Variants in ABTB2 observed in about 807,000 individuals in gnomAD.
The protein encoded by ABTB2 is ankyrin repeat and BTB domain containing 2, also known as ankyrin repeat and BTB/POZ domain-containing protein 2.
ABTB2 carries 56 observed loss-of-function variants against 104.1 expected under a neutral mutation model. The observed-to-expected ratio is 0.54, with a 90% confidence interval of 0.43 to 0.67. The LOEUF (loss-of-function observed/expected upper bound fraction) is 0.67. ABTB2 is among the 30% of genes least tolerant of loss of function. The pLI, the probability that ABTB2 is intolerant of heterozygous loss-of-function variation, is 0.00. For synonymous variants in ABTB2, 606 were observed against 608.2 expected (o/e 1.00, Z 0.05); for missense variants, 1,279 against 1,407.7 (o/e 0.91, Z 1.46).
chr11:34,334,409 A>T (rs1352631336), intron 1 of ABTB2, among the ~76,000 whole-genome samples: 1 of 152,176 alleles, frequency 6.6e-6, no homozygotes, highest in Non-Finnish European at 1.5e-5. Context: ...GCAATCAGAA[A>T]GGGTATGAAT....
At chr11:34,196,949 C>T (rs917761895) in intron 3 of ABTB2, among the ~76,000 whole-genome samples, 2 of 152,242 alleles carry the variant, frequency 1.3e-5, no homozygotes, top group African/African-American at 4.8e-5. Context: ...CCAGTTCCCA[C>T]CTAGCCCCCA....
intron 1 of ABTB2, among the ~76,000 whole-genome samples, chr11:34,227,978 G>T (rs1374496318): frequency 1.0e-5 from 1 of 98,484 alleles, no homozygotes; most frequent in Non-Finnish European, 2.2e-5. Context: ...CAGGTGATCC[G>T]CCCGCCTCGG....
At chr11:34,337,353 G>A (rs1218160876) in intron 1 of ABTB2, among the ~76,000 whole-genome samples, 1 of 152,218 alleles carries the variant, frequency 6.6e-6, no homozygotes, top group African/African-American at 2.4e-5. Flanking sequence ...CTGGCTGCTG[G>A]TCTCAGCCTA....
At chr11:34,247,032 A>G (rs1028657450) in intron 1 of ABTB2, among the ~76,000 whole-genome samples, 1 of 151,916 alleles carries the variant, frequency 6.6e-6, no homozygotes, top group African/African-American at 2.4e-5. Flanking sequence ...TTTTTAGTAG[A>G]GACGGGGTTT....
At chr11:34,212,117 C>T (rs936199338) in intron 1 of ABTB2, among the ~76,000 whole-genome samples, 14 of 151,648 alleles carry the variant, frequency 9.2e-5, no homozygotes, top group East Asian at 5.9e-4. Flanking sequence ...AGTGCAGTGG[C>T]GCAATCTCAG....
At chr11:34,189,964 C>G (rs557457836) in intron 3 of ABTB2, among the ~76,000 whole-genome samples, 1 of 152,136 alleles carries the variant, frequency 6.6e-6, no homozygotes, top group Non-Finnish European at 1.5e-5. Flanking sequence ...CTGGGCTGGC[C>G]GCAAGTGGCT....
At chr11:34,306,539 G>A (rs897022061) in intron 1 of ABTB2, among the ~76,000 whole-genome samples, 2 of 151,978 alleles carry the variant, frequency 1.3e-5, no homozygotes, top group South Asian at 2.1e-4. Context: ...GAGCCACTGC[G>A]CCCAGACTGG....
intron 1 of ABTB2, among the ~76,000 whole-genome samples, chr11:34,340,762 G>T (rs1855253102): frequency 6.6e-6 from 1 of 152,218 alleles, no homozygotes; most frequent in Non-Finnish European, 1.5e-5. Context: ...TCTCCAGGTA[G>T]ATACCAATAG....
intron 5 of ABTB2, 35 bp from the exon 6 acceptor site, chr11:34,168,027 C>T: frequency 3.1e-6 from 5 of 1,596,786 alleles, no homozygotes; most frequent in Non-Finnish European, 4.3e-6. Context: ...AAACTGTTTG[C>T]AAACAGAACA....
intron 1 of ABTB2, among the ~76,000 whole-genome samples, chr11:34,289,631 C>T (rs115695991): frequency 0.038 from 5,839 of 152,230 alleles, 374 homozygotes; most frequent in African/African-American, 0.13. Context: ...ACCCACTCTG[C>T]TCAGGCCATA....
chr11:34,173,330 T>A (rs1391713381), intron 3 of ABTB2, 23 bp from the exon 4 acceptor site: 1 of 1,566,298 alleles, frequency 6.4e-7, no homozygotes, highest in Non-Finnish European at 8.7e-7. Flanking sequence ...AGAGAGAGGG[T>A]CAGGCCTGGG....
Position 34,160,967 on chromosome 11 carries a change from T to G in ABTB2, c.2333A>C (p.Glu778Ala). The G allele has an allele frequency of 6.2e-7, 1 of 1,613,622 alleles. No individual in the cohort carries two copies. Among genetic ancestry groups the G allele is most frequent in the Non-Finnish European group, 8.5e-7 (1 of 1,179,808 alleles). The stretch of plus-strand genomic sequence containing the variant: ...CTCGGTCACCAGCTCCTCGTTGTAC[T>G]CCTCCTCTCTGATGGAGCTGAAGTC... ...LRDFSSIREE[E>A]YNEELVTEGL... is the part of the protein sequence containing the mutation. The change falls in exon 11 of 17, where the codon GAG becomes GCG. Residue 778 changes from glutamate to alanine, a missense_variant. By Grantham distance (107) the Glu-to-Ala change is moderately radical. Transcript: ENST00000435224.
intron 1 of ABTB2, among the ~76,000 whole-genome samples, chr11:34,317,444 A>T (rs557833327): frequency 2.6e-5 from 4 of 152,278 alleles, no homozygotes; most frequent in Non-Finnish European, 4.4e-5. Context: ...TGGCAATGAG[A>T]GTGCGAAAAC....
chr11:34,353,292 G>C (rs570015706), intron 1 of ABTB2, among the ~76,000 whole-genome samples: 1 of 152,142 alleles, frequency 6.6e-6, no homozygotes, highest in African/African-American at 2.4e-5. Flanking sequence ...CAAAAGCTTA[G>C]TAAGAAGAAT....
chr11:34,248,581 G>C (rs924336936), intron 1 of ABTB2, among the ~76,000 whole-genome samples: 8 of 152,176 alleles, frequency 5.3e-5, no homozygotes, highest in African/African-American at 1.9e-4. Flanking sequence ...TCCATTTCAG[G>C]GGTGATTCTG....
At chr11:34,318,206 T>A (rs911048536) in intron 1 of ABTB2, among the ~76,000 whole-genome samples, 1 of 152,172 alleles carries the variant, frequency 6.6e-6, no homozygotes, top group Non-Finnish European at 1.5e-5. Context: ...TGACCTCAGG[T>A]GATCCATCTG....
chr11:34,261,133 C>T (rs1406431885), intron 1 of ABTB2, among the ~76,000 whole-genome samples: 2 of 151,980 alleles, frequency 1.3e-5, no homozygotes, highest in Non-Finnish European at 2.9e-5. Flanking sequence ...CCCGCCTGCC[C>T]CCCCCAAAAA....
chr11:34,193,972 T>G (rs1215635496), intron 3 of ABTB2, among the ~76,000 whole-genome samples: 1 of 152,170 alleles, frequency 6.6e-6, no homozygotes, highest in Admixed American at 6.5e-5. Flanking sequence ...CGGAAAGATG[T>G]GAAGTCCCCA....
At chr11:34,215,565 T>G (rs573714664) in intron 1 of ABTB2, among the ~76,000 whole-genome samples, 1 of 152,258 alleles carries the variant, frequency 6.6e-6, no homozygotes, top group South Asian at 2.1e-4. Context: ...CTTCAGACAA[T>G]TAAAGGGCAT....
Sources: gnomAD v4.1 joint callset for allele counts (sites outside exome capture counted in the v4.1 genomes callset) on GRCh38, gnomAD v4.1.1 for gene constraint, MANE v1.5 for transcripts, NCBI Gene and HGNC (gene_info 2026-07-23, HGNC 2026-07-21) for gene names.